The following SCNN1A variants were observed in gnomAD, a reference collection of about 807,000 sequenced individuals.
The protein encoded by SCNN1A is sodium channel epithelial 1 subunit alpha.
SCNN1A carries 65 observed loss-of-function variants against 68.6 expected under a neutral mutation model. That is an observed-to-expected ratio of 0.95 (90% CI 0.78 to 1.16). The LOEUF (loss-of-function observed/expected upper bound fraction) is 1.16, where lower values mean the gene tolerates loss of function less well. Ranked by LOEUF, SCNN1A falls within the 50% of genes most tolerant of loss-of-function variation. The probability of loss-of-function intolerance (pLI) is 0.00; values close to 1 mark genes in which losing one functional copy is unlikely to be tolerated. For missense variants in SCNN1A, 880 were observed against 865.9 expected (o/e 1.02, Z -0.20); for synonymous variants, 357 against 353.3 (o/e 1.01, Z -0.12).
At chr12:6,362,476 A>G (rs1247604426) in intron 3 of SCNN1A, among the ~76,000 whole-genome samples, 1 of 152,126 alleles carries the variant, frequency 6.6e-6, no homozygotes, top group African/African-American at 2.4e-5. Flanking sequence ...AGCTGCACAC[A>G]CACGGTTTTG....
rs1181659852 is a variant in SCNN1A, at chr12:6,374,699, G to C, written c.85C>G (p.Gln29Glu). ...GCCGCAGGTTCGGGGCCCAGCCCCT[G>C]CTCCTCACGCTTGTTCCCCTTCATG... is the stretch of plus-strand genomic sequence containing the variant. ...GLMKGNKREE[Q>E]GLGPEPAAPQ... Residue 29 changes from glutamine (Q) to glutamate (E), a missense_variant, in exon 2 of 13, where the codon CAG (glutamine) becomes GAG (glutamate). Around this residue, in one of 3 missense-constraint regions of SCNN1A, gnomAD observed 77 missense variants for 67.4 expected, o/e 1.14. Coordinates refer to ENST00000228916, the MANE Select transcript of SCNN1A (RefSeq NM_001038.6). This position sits in a 1 kb window ranked among gnomAD's most constrained non-coding sequence, Gnocchi z 6.2. 1.2e-6 allele frequency: 2 copies of C among 1,614,094 alleles called. No homozygotes were observed. Among genetic ancestry groups the C allele is most frequent in the African/African-American group, 1.3e-5 (1 of 75,048 alleles).
At chr12:6,355,185 G>T in intron 6 of SCNN1A, 87 bp downstream of exon 6, 1 of 1,444,498 alleles carries the variant, frequency 6.9e-7, no homozygotes, top group Admixed American at 1.9e-5. Context: ...CACCCCACAT[G>T]CTCTCCCTCT....
chr12:6,369,751 A>G lies in SCNN1A; in HGVS notation c.416+4617T>C, dbSNP rs573839529. Among the ~76,000 whole-genome samples the G allele has an allele frequency of 3.2e-3, 484 of 150,568 alleles. 2 individuals carry two copies. Among genetic ancestry groups the G allele is most frequent in the Non-Finnish European group, 5.2e-3 (353 of 67,744 alleles). Reference sequence around the variant, plus strand: ...CTGGAGGCTGAGGCAGGAGAATGGCATGAACCCGGGAGGCGGAGCTTGCAG... The same window carrying G: ...CTGGAGGCTGAGGCAGGAGAATGGCGTGAACCCGGGAGGCGGAGCTTGCAG... On this transcript the variant is annotated intron_variant, in intron 2 of 12. Transcript: ENST00000228916.
intron 1 of SCNN1A, chr12:6,375,194 C>T: frequency 2.1e-6 from 3 of 1,448,058 alleles, no homozygotes; most frequent in East Asian, 2.5e-5. Context: ...CAGCTCCTGC[C>T]TCTCACTCCC....
In SCNN1A at chr12:6,354,526, G is replaced by A; in HGVS notation, c.1272C>T (p.Ser424=). ...AGGCACAGCCACACTCCTTGATCAT[G>A]CTCTCCTGGAAGCAGGAGTGAATAC... The part of the protein sequence containing the change: ...QVCIHSCFQE[S]MIKECGCAYI... The change falls in exon 8 of 13, where the codon AGC becomes AGT. Residue 424 remains serine (S), a synonymous_variant. Transcript: ENST00000228916. 1 of 1,613,940 alleles carries A rather than the reference G, an allele frequency of 6.2e-7. No individual in the cohort carries two copies. Among genetic ancestry groups the A allele is most frequent in the Non-Finnish European group, 8.5e-7 (1 of 1,179,928 alleles).
Position 6,360,303 on chromosome 12 carries a change from A to G in SCNN1A, c.875+1748T>C, listed in dbSNP as rs901372724. Among the ~76,000 whole-genome samples, 10 of 152,118 alleles carry G rather than the reference A, an allele frequency of 6.6e-5. No homozygotes were observed. The East Asian group carries it at 1.9e-3, about 29-fold the overall frequency. On this transcript the variant is annotated intron_variant, in intron 4 of 12. Coordinates refer to ENST00000228916, the MANE Select transcript of SCNN1A (RefSeq NM_001038.6). The stretch of plus-strand genomic sequence containing the variant: ...CTAAGTGCCAAGATAAAGATGAACC[A>G]TGGACTTTCTGTTGAGGGGGAGGCA...
chr12:6,375,535 C>T lies in SCNN1A; in HGVS notation c.-85G>A, dbSNP rs1460327347. 1.3e-6 allele frequency: 2 copies of T among 1,535,168 alleles called. No individual in the cohort carries two copies. The highest frequency in any genetic ancestry group is 1.7e-6 in the Non-Finnish European group (2 of 1,146,720). On this transcript the variant is annotated 5_prime_UTR_variant, in exon 1 of 13. Coordinates refer to ENST00000228916, the MANE Select transcript of SCNN1A (RefSeq NM_001038.6). Reference sequence around the variant, plus strand: ...AGGTGCAGCGGCCTGGCTGGGGAGCCCGCCCGCTGGCCGGCCAGGGATGGA... The same window carrying T: ...AGGTGCAGCGGCCTGGCTGGGGAGCTCGCCCGCTGGCCGGCCAGGGATGGA...
intron 3 of SCNN1A, among the ~76,000 whole-genome samples, chr12:6,362,641 G>C (rs899434265): frequency 7.2e-5 from 11 of 151,922 alleles, no homozygotes; most frequent in Non-Finnish European, 1.6e-4. Context: ...GAACTTCCCT[G>C]TCTCCTTTCC....
chr12:6,369,264 A>AC (rs961959776), intron 2 of SCNN1A, among the ~76,000 whole-genome samples: 3 of 144,302 alleles, frequency 2.1e-5, no homozygotes, highest in East Asian at 2.1e-4. Context: ...CCATGCTGCC[A>AC]CCCTACACGC....
chr12:6,350,865 A>C (rs1266543113), intron 8 of SCNN1A, among the ~76,000 whole-genome samples: 1 of 151,922 alleles, frequency 6.6e-6, no homozygotes, highest in Non-Finnish European at 1.5e-5. Flanking sequence ...TAAATAAATA[A>C]ATAAATAAAA....
intron 1 of SCNN1A, 187 bp from the exon 2 acceptor site, chr12:6,375,024 A>C: frequency 1.3e-6 from 2 of 1,543,180 alleles, no homozygotes; most frequent in Non-Finnish European, 1.7e-6. Context: ...TGGAGCCAGC[A>C]GACCTGCGGG....
At chr12:6,354,102 G>T (rs914298030) in intron 8 of SCNN1A, among the ~76,000 whole-genome samples, 3 of 151,846 alleles carry the variant, frequency 2.0e-5, no homozygotes, top group Non-Finnish European at 4.4e-5. Context: ...GTGGTGGCGG[G>T]TGCCTGTAGT....
Position 6,347,827 on chromosome 12 carries a change from C to T in SCNN1A, c.*46G>A. 6.5e-7 allele frequency: 1 copy of T among 1,536,644 alleles called. No homozygotes were observed. Among genetic ancestry groups the T allele is most frequent in the Non-Finnish European group, 8.9e-7 (1 of 1,120,350 alleles). The stretch of plus-strand genomic sequence containing the variant: ...AATCTTGCCAGGGCCAGCACCCTCC[C>T]ACCAGAGGAGCATCTGCCTTGGTGT... On this transcript the variant is annotated 3_prime_UTR_variant, in exon 13 of 13. Transcript: ENST00000228916.
upstream of SCNN1A, chr12:6,376,280 G>A: frequency 1.4e-6 from 1 of 722,590 alleles, no homozygotes; most frequent in Non-Finnish European, 1.7e-6. Context: ...CCAGACCCGG[G>A]AGGGGCCCAG....
intron 2 of SCNN1A, among the ~76,000 whole-genome samples, chr12:6,373,183 G>A (rs763990596): frequency 3.3e-5 from 5 of 151,272 alleles, no homozygotes; most frequent in South Asian, 2.1e-4. Flanking sequence ...TTCTTAGTCC[G>A]TAACGCACCT....
At chr12:6,361,743 CA>C (rs1158562572) in intron 4 of SCNN1A, among the ~76,000 whole-genome samples, 1 of 151,094 alleles carries the variant, frequency 6.6e-6, no homozygotes, top group African/African-American at 2.4e-5. Context: ...AACTCCATCT[CA>C]AAAAAAAGAA....
intron 6 of SCNN1A, 82 bp from the exon 7 acceptor site, chr12:6,354,930 A>G: frequency 1.7e-6 from 2 of 1,157,712 alleles, no homozygotes; most frequent in Non-Finnish European, 2.6e-6. Flanking sequence ...TCCAGGTTGT[A>G]TCTCACACCT....
intron 2 of SCNN1A, among the ~76,000 whole-genome samples, chr12:6,373,504 G>A (rs1354550680): frequency 1.3e-5 from 2 of 152,202 alleles, no homozygotes; most frequent in Non-Finnish European, 2.9e-5. Context: ...CTAGCCCTGT[G>A]TCTGGCTTGA....
intron 1 of SCNN1A, 63 bp downstream of exon 1, chr12:6,375,442 G>A (rs778968059): frequency 4.9e-5 from 75 of 1,534,490 alleles, no homozygotes; most frequent in Non-Finnish European, 5.8e-5. Flanking sequence ...CCCAGGTTGC[G>A]GCTGGACTGG....
Sources: gnomAD v4.1 joint callset for allele counts (sites outside exome capture counted in the v4.1 genomes callset) on GRCh38, gnomAD v4.1.1 for gene constraint, gnomAD v4.1.1 regional missense constraint, Gnocchi (gnomAD v3.1) non-coding constraint, MANE v1.5 for transcripts, NCBI Gene and HGNC (gene_info 2026-07-23, HGNC 2026-07-21) for gene names.